PTPRO: variants seen among roughly 807,000 people sequenced by gnomAD.
PTPRO encodes protein tyrosine phosphatase receptor type O.
PTPRO carries 62 observed loss-of-function variants against 145.2 expected under a neutral mutation model. The observed-to-expected ratio is 0.43, with a 90% CI of 0.35 to 0.53. The LOEUF is 0.53. PTPRO is among the 20% of genes least tolerant of loss of function. PTPRO has a pLI of 0.01. For synonymous variants in PTPRO, 565 were observed against 514.7 expected (o/e 1.10, Z -1.32); for missense variants, 1,345 against 1,482.7 (o/e 0.91, Z 1.53).
chr12:15,510,486 C>A (rs1942415008), intron 7 of PTPRO, among the ~76,000 whole-genome samples: 1 of 152,154 alleles, frequency 6.6e-6, no homozygotes, highest in Non-Finnish European at 1.5e-5. Flanking sequence ...CATTATATAT[C>A]TTTCACATAA....
At chr12:15,593,905 T>G (rs56289285) in intron 25 of PTPRO, among the ~76,000 whole-genome samples, 4,639 of 152,260 alleles carry the variant, frequency 0.03, 212 homozygotes, top group African/African-American at 0.1. Flanking sequence ...TGTTGGCATA[T>G]TTTAATATTT....
At chr12:15,432,200 G>A (rs1204104091) in intron 1 of PTPRO, among the ~76,000 whole-genome samples, 1 of 152,054 alleles carries the variant, frequency 6.6e-6, no homozygotes, top group African/African-American at 2.4e-5. Flanking sequence ...TCCCCTCTAT[G>A]TGTCCATGTG....
intron 1 of PTPRO, among the ~76,000 whole-genome samples, chr12:15,478,516 A>G (rs901687985): frequency 9.2e-5 from 14 of 152,050 alleles, no homozygotes; most frequent in Non-Finnish European, 2.1e-4. Flanking sequence ...TTTTCTTTTT[A>G]AGGATTACAA....
At chr12:15,406,431 G>A (rs1939649680) in intron 1 of PTPRO, among the ~76,000 whole-genome samples, 1 of 152,114 alleles carries the variant, frequency 6.6e-6, no homozygotes. Flanking sequence ...GCTTTGATCA[G>A]CATCAATTTT....
At chr12:15,392,341 C>T (rs1489141804) in intron 1 of PTPRO, among the ~76,000 whole-genome samples, 1 of 152,192 alleles carries the variant, frequency 6.6e-6, no homozygotes, top group Non-Finnish European at 1.5e-5. Context: ...TGGCTATAGC[C>T]ATATTCTTGA....
intron 1 of PTPRO, among the ~76,000 whole-genome samples, chr12:15,477,757 G>A (rs1032669533): frequency 5.3e-5 from 8 of 152,106 alleles, no homozygotes; most frequent in African/African-American, 1.2e-4. Context: ...AAGTGCTCCC[G>A]CTGCACTTTG....
At chr12:15,367,909 C>G (rs987457216) in intron 1 of PTPRO, among the ~76,000 whole-genome samples, 2 of 152,190 alleles carry the variant, frequency 1.3e-5, no homozygotes, top group African/African-American at 4.8e-5. Flanking sequence ...GGAGTCATAG[C>G]TCTACTCTGC....
chr12:15,450,459 T>C (rs1367790010), intron 1 of PTPRO, among the ~76,000 whole-genome samples: 1 of 152,144 alleles, frequency 6.6e-6, no homozygotes, highest in African/African-American at 2.4e-5. Context: ...AGCCTTTCCA[T>C]CCATAAATGT....
chr12:15,549,425 T>C (rs186208586), intron 14 of PTPRO, among the ~76,000 whole-genome samples, 199 bp downstream of exon 14: 18 of 152,244 alleles, frequency 1.2e-4, no homozygotes, highest in Admixed American at 1.0e-3. Flanking sequence ...ATCTGTAAAA[T>C]TGGAATAATA....
At chr12:15,413,308 G>T (rs1939854122) in intron 1 of PTPRO, among the ~76,000 whole-genome samples, 2 of 152,124 alleles carry the variant, frequency 1.3e-5, no homozygotes, top group African/African-American at 4.8e-5. Flanking sequence ...TGTTGCTCAG[G>T]CTGGTCTCAA....
At chr12:15,417,313 C>T (rs1417397514) in intron 1 of PTPRO, among the ~76,000 whole-genome samples, 1 of 151,684 alleles carries the variant, frequency 6.6e-6, no homozygotes, top group Admixed American at 6.6e-5. Context: ...AGTCAGGAAC[C>T]GTCTGTATAA....
At chr12:15,461,656 C>A (rs752725539) in intron 1 of PTPRO, among the ~76,000 whole-genome samples, 3 of 151,196 alleles carry the variant, frequency 2.0e-5, no homozygotes, top group Non-Finnish European at 4.4e-5. Flanking sequence ...CAACCTCCGC[C>A]TCCTGGGTTC....
At chr12:15,428,267 C>T (rs1940338300) in intron 1 of PTPRO, among the ~76,000 whole-genome samples, 1 of 152,090 alleles carries the variant, frequency 6.6e-6, no homozygotes. Context: ...AATTTGGTTG[C>T]AAGGGTGTTT....
At chr12:15,523,606 C>A (rs1204185463) in intron 10 of PTPRO, among the ~76,000 whole-genome samples, 2 of 152,024 alleles carry the variant, frequency 1.3e-5, no homozygotes, top group African/African-American at 2.4e-5. Context: ...AAGACCCTGT[C>A]TCTACAAAAA....
chr12:15,580,750 C>G lies in PTPRO; in HGVS notation c.3051C>G (p.Thr1017=). The part of the protein sequence containing the change: ...YIATQGPLPE[T]RNDFWKMVLQ... ...CCACCCAGGGGCCACTGCCTGAAAC[C>G]AGAAATGACTTCTGGAAGATGGTCC... The change falls in exon 22 of 27, where the codon ACC becomes ACG. Residue 1017 remains threonine, a synonymous_variant. Transcript: ENST00000281171. 6.2e-7 allele frequency: 1 copy of G among 1,614,030 alleles called. No homozygotes were observed. The highest frequency in any genetic ancestry group is 8.5e-7 in the Non-Finnish European group (1 of 1,179,960).
At position 15,424,306 on chromosome 12, in the gene PTPRO, T is replaced by G. The variant is rs1940225557; in HGVS notation, c.76-59668T>G. On this transcript the variant is annotated intron_variant, in intron 1 of 26. Transcript: ENST00000281171. ...AAAGATGGAAATTTTTAAACAGCAT[T>G]TGATTGGTATTCCATTTTCCTTTAA... 2.0e-5 allele frequency among the ~76,000 whole-genome samples: 3 copies of G among 152,186 alleles called. No individual in the cohort carries two copies. The South Asian group carries it at 6.2e-4, about 31-fold the overall frequency.
chr12:15,397,041 C>T (rs546058042), intron 1 of PTPRO, among the ~76,000 whole-genome samples: 2 of 151,914 alleles, frequency 1.3e-5, no homozygotes, highest in African/African-American at 4.8e-5. Context: ...TCTTATAATG[C>T]GCCACTAAAT....
chr12:15,401,223 T>C (rs1380264860), intron 1 of PTPRO, among the ~76,000 whole-genome samples: 1 of 152,182 alleles, frequency 6.6e-6, no homozygotes, highest in Non-Finnish European at 1.5e-5. Context: ...TCCCCAGGGT[T>C]TTAGCCAGAA....
At chr12:15,474,372 C>A (rs1423646348) in intron 1 of PTPRO, among the ~76,000 whole-genome samples, 1 of 152,194 alleles carries the variant, frequency 6.6e-6, no homozygotes, top group Non-Finnish European at 1.5e-5. Context: ...CAGAACAGGT[C>A]ACAGGCTCCT....
Sources: allele counts gnomAD v4.1 joint callset (sites outside exome capture counted in the v4.1 genomes callset), GRCh38; gene constraint gnomAD v4.1.1; transcripts MANE v1.5; gene names NCBI Gene and HGNC (gene_info 2026-07-23, HGNC 2026-07-21).